DGKK: variants seen among roughly 807,000 people sequenced by gnomAD.
DGKK encodes the protein 142 kDa diacylglycerol kinase.
DGKK carries 35 observed loss-of-function variants against 92.2 expected under a neutral mutation model. The observed-to-expected ratio is 0.38, with a 90% confidence interval of 0.29 to 0.50. The LOEUF is 0.50. Ranked by LOEUF, DGKK falls within the 20% of genes least tolerant of loss-of-function variation. The pLI, the probability that DGKK is intolerant of heterozygous loss-of-function variation, is 0.92. For missense variants in DGKK, 910 were observed against 992.2 expected (o/e 0.92, Z 1.11); for synonymous variants, 368 against 360.6 (o/e 1.02, Z -0.23).
chrX:50,428,195 A>C (rs782643592), intron 1 of DGKK, among the ~76,000 whole-genome samples: 1 of 105,365 alleles, frequency 9.5e-6, no homozygotes, highest in Non-Finnish European at 1.9e-5. Context: ...TCCAATAATA[A>C]ATTATTATTA....
intron 4 of DGKK, among the ~76,000 whole-genome samples, chrX:50,406,163 G>A (rs1925149507): frequency 8.9e-6 from 1 of 112,181 alleles, no homozygotes; most frequent in East Asian, 2.8e-4. Context: ...GGACTGCGTG[G>A]AAGAAATTCA....
At position 50,448,901 on chromosome X, in the gene DGKK, C is replaced by T. The variant is rs145883740; in HGVS notation, c.645+21133G>A. 1.8e-3 allele frequency among the ~76,000 whole-genome samples: 197 copies of T among 111,697 alleles called. 8 individuals are homozygous for T. In the East Asian group the frequency reaches 0.03, roughly 17 times the overall value. ...AGCAGGGAGGAATGGGGAAGTGCCT[C>T]TGTATTCACCCTGATAAAATAATTG... On this transcript the variant is annotated intron_variant, in intron 1 of 27. Transcript: ENST00000611977.
At chrX:50,377,216 A>G (rs928710242) in intron 22 of DGKK, among the ~76,000 whole-genome samples, 8 of 112,553 alleles carry the variant, frequency 7.1e-5, no homozygotes, top group Non-Finnish European at 1.9e-5. Context: ...AAGCTCCCAT[A>G]TGAAGGCATC....
intron 4 of DGKK, among the ~76,000 whole-genome samples, chrX:50,404,876 G>A (rs1186746732): frequency 9.0e-6 from 1 of 110,891 alleles, no homozygotes; most frequent in Non-Finnish European, 1.9e-5. Context: ...CTACCTCCTG[G>A]AGGTATACAC....
chrX:50,384,409 A>T, intron 16 of DGKK, 145 bp from the exon 17 acceptor site: 3 of 446,797 alleles, frequency 6.7e-6, no homozygotes. Flanking sequence ...CTAATTCCAA[A>T]GAGGGATCCT....
chrX:50,417,266 T>C (rs1925457643), intron 4 of DGKK, among the ~76,000 whole-genome samples: 1 of 110,177 alleles, frequency 9.1e-6, no homozygotes, highest in Non-Finnish European at 1.9e-5. Context: ...GAAAGTTATT[T>C]CAACTAGACC....
chrX:50,386,870 C>T (rs1414453663), intron 14 of DGKK, among the ~76,000 whole-genome samples: 2 of 111,619 alleles, frequency 1.8e-5, no homozygotes, highest in Admixed American at 1.9e-4. Flanking sequence ...TTGTGTCAAA[C>T]GGGCCTATAA....
intron 24 of DGKK, among the ~76,000 whole-genome samples, chrX:50,375,670 A>G (rs1042059251): frequency 3.6e-5 from 4 of 112,081 alleles, no homozygotes; most frequent in African/African-American, 1.3e-4. Context: ...TTCTAGTTCC[A>G]ATGACAGGTG....
Position 50,394,275 on chromosome X carries a change from T to C in DGKK, c.1412-940A>G, listed in dbSNP as rs1016644185. Among the ~76,000 whole-genome samples the C allele has an allele frequency of 2.7e-5, 3 of 111,959 alleles. No homozygotes were observed. In the Admixed American group the frequency reaches 2.8e-4, roughly 11 times the overall value. On this transcript the variant is annotated intron_variant, in intron 8 of 27. Transcript: ENST00000611977. ...GTGGGTTGAGAAGACCCATTTGTTT[T>C]AGCCTGGGTGAAAGGGAGCCTGAAG...
At chrX:50,428,560 A>G (rs2147139299) in intron 1 of DGKK, among the ~76,000 whole-genome samples, 1 of 112,120 alleles carries the variant, frequency 8.9e-6, no homozygotes, top group East Asian at 2.8e-4. Flanking sequence ...GCTTTGAATA[A>G]GATAAAATGA....
intron 8 of DGKK, among the ~76,000 whole-genome samples, chrX:50,399,748 A>AT (rs1158905600): frequency 8.9e-6 from 1 of 112,180 alleles, no homozygotes; most frequent in Non-Finnish European, 1.9e-5. Flanking sequence ...TTAGTAAAAT[A>AT]GGTTAGGTCT....
intron 8 of DGKK, 135 bp downstream of exon 8, chrX:50,400,902 T>C (rs1924984448): frequency 1.9e-6 from 1 of 535,589 alleles, no homozygotes; most frequent in Non-Finnish European, 3.2e-6. Flanking sequence ...GCTATCTATA[T>C]ACACATGCAC....
At chrX:50,382,648 A>C (rs1557224565) in intron 17 of DGKK, 45 bp from the exon 18 acceptor site, 2 of 1,036,184 alleles carry the variant, frequency 1.9e-6, no homozygotes, top group Admixed American at 2.4e-5. Context: ...GCAGGAAAGA[A>C]GTGCCGCTAT....
intron 1 of DGKK, among the ~76,000 whole-genome samples, chrX:50,436,194 G>A (rs1354056190): frequency 8.9e-6 from 1 of 112,271 alleles, no homozygotes; most frequent in African/African-American, 3.2e-5. Context: ...GAGGCTATCA[G>A]GGACAAGCCT....
intron 4 of DGKK, among the ~76,000 whole-genome samples, chrX:50,417,571 A>G (rs1192517295): frequency 9.0e-6 from 1 of 110,687 alleles, no homozygotes; most frequent in Non-Finnish European, 1.9e-5. Context: ...TAAATCCCCC[A>G]GGCTCACACC....
At chrX:50,391,345 T>G in intron 11 of DGKK, 92 bp downstream of exon 11, 1 of 1,093,478 alleles carries the variant, frequency 9.1e-7, no homozygotes, top group Non-Finnish European at 1.2e-6. Flanking sequence ...TGAGGCTCTA[T>G]CAATCAGAGA....
chrX:50,370,529 G>C lies in DGKK; in HGVS notation c.3633C>G (p.Asp1211Glu), dbSNP rs987595326. 8.3e-7 allele frequency: 1 copy of C among 1,197,858 alleles called. No homozygotes were observed. The highest frequency in any genetic ancestry group is 1.8e-5 in the South Asian group (1 of 54,611). The change falls in exon 27 of 28, where the codon GAC becomes GAG. Residue 1211 changes from aspartate (D) to glutamate (E), a missense_variant. By Grantham distance (45) the Asp-to-Glu change is conservative. Coordinates refer to ENST00000611977, the MANE Select transcript of DGKK (RefSeq NM_001013742.4). ...TAATTTTCAGCCTGAGGCTTCTACT[G>C]TCAGTGTCCGAAGATTTTTCCTGAG... ...FVPEEKSSDT[D>E]SRSLRLKIKF...
Position 50,393,329 on chromosome X carries a change from A to G in DGKK, c.1418T>C (p.Leu473Ser), listed in dbSNP as rs782547607. 8.3e-6 allele frequency: 10 copies of G among 1,200,431 alleles called. No individual in the cohort carries two copies. Among genetic ancestry groups the G allele is most frequent in the Non-Finnish European group, 3.4e-6 (3 of 889,258 alleles). ...ATTCCAGAAGTCTGAAGATACTACT[A>G]ATTGGCCTGACACAACGAAAAGAAA... ...ALSDPKGDGQ[L>S]VVSSDFWNLD... is the part of the protein sequence containing the mutation. The change falls in exon 9 of 28, where the codon TTA becomes TCA. Residue 473 changes from leucine to serine, a missense_variant. Physicochemically the swap from Leu to Ser is moderately radical, Grantham distance 145. Coordinates refer to ENST00000611977, the MANE Select transcript of DGKK (RefSeq NM_001013742.4).
intron 21 of DGKK, 34 bp downstream of exon 21, chrX:50,378,544 G>T (rs934938048): frequency 2.7e-6 from 3 of 1,123,837 alleles, no homozygotes; most frequent in Non-Finnish European, 3.6e-6. Context: ...AAAAACCTCA[G>T]CCCCTTCCCA....
Sources: allele counts gnomAD v4.1 joint callset (sites outside exome capture counted in the v4.1 genomes callset), GRCh38; gene constraint gnomAD v4.1.1; transcripts MANE v1.5; gene names NCBI Gene and HGNC (gene_info 2026-07-23, HGNC 2026-07-21).